The following PELI1 variants were observed in gnomAD, a reference collection of about 807,000 sequenced individuals.
PELI1 encodes pellino E3 ubiquitin protein ligase 1, also known as E3 ubiquitin-protein ligase pellino homolog 1.
A neutral mutation model predicts 41.3 loss-of-function variants in PELI1; 15 were observed. The observed-to-expected ratio is 0.36, with a 90% confidence interval of 0.24 to 0.56. PELI1 has a LOEUF of 0.56. PELI1 is among the 20% of genes least tolerant of loss of function. PELI1 has a pLI of 0.82. For synonymous variants in PELI1, 178 were observed against 180.1 expected, an observed-to-expected ratio of 0.99 and a Z score of 0.09; for missense variants, 403 against 525.5, an observed-to-expected ratio of 0.77 and a Z score of 2.28.
intron 1 of PELI1, among the ~76,000 whole-genome samples, chr2:64,113,716 A>G (rs886829057): frequency 2.6e-5 from 4 of 152,180 alleles, no homozygotes; most frequent in African/African-American, 9.6e-5. Context: ...ATATGTATTT[A>G]TTAGGAATAG....
At chr2:64,100,011 G>A (rs1680371517) in intron 4 of PELI1, among the ~76,000 whole-genome samples, 1 of 152,174 alleles carries the variant, frequency 6.6e-6, no homozygotes. Context: ...ATAAATGTAT[G>A]CAGAGTATTT....
intron 3 of PELI1, among the ~76,000 whole-genome samples, chr2:64,102,205 C>T (rs1244319213): frequency 2.0e-5 from 3 of 152,104 alleles, no homozygotes; most frequent in Admixed American, 6.5e-5. Context: ...CTTTTCTCTA[C>T]AGAGGTATCC....
intron 1 of PELI1, among the ~76,000 whole-genome samples, chr2:64,136,148 G>A (rs114502787): frequency 6.6e-6 from 1 of 151,784 alleles, no homozygotes; most frequent in African/African-American, 2.4e-5. Flanking sequence ...CTTCAGTATG[G>A]TCATCATCAT....
chr2:64,126,569 TCAA>T (rs1681393359), intron 1 of PELI1, among the ~76,000 whole-genome samples: 1 of 152,200 alleles, frequency 6.6e-6, no homozygotes, highest in Non-Finnish European at 1.5e-5. Flanking sequence ...ATGGGAGTAT[TCAA>T]ACTAATGCAA....
chr2:64,107,433 G>C (rs1642929693), intron 2 of PELI1, among the ~76,000 whole-genome samples: 1 of 152,174 alleles, frequency 6.6e-6, no homozygotes, highest in Non-Finnish European at 1.5e-5. Context: ...AAGTAGCTAG[G>C]TCCTGGGCTT....
chr2:64,112,734 T>TA (rs1316941892), intron 1 of PELI1, among the ~76,000 whole-genome samples: 2 of 152,178 alleles, frequency 1.3e-5, no homozygotes, highest in Non-Finnish European at 1.5e-5. Context: ...TGACCCAAGA[T>TA]AGTTTTCAAA....
intron 1 of PELI1, among the ~76,000 whole-genome samples, chr2:64,121,178 T>C (rs1364599792): frequency 4.6e-5 from 7 of 152,214 alleles, no homozygotes; most frequent in African/African-American, 1.7e-4. Context: ...GCAAAAATGA[T>C]CGGGGCATAT....
At chr2:64,107,186 C>T (rs1680649841) in intron 2 of PELI1, among the ~76,000 whole-genome samples, 1 of 152,132 alleles carries the variant, frequency 6.6e-6, no homozygotes, top group South Asian at 2.1e-4. Flanking sequence ...ACCTAGGCCT[C>T]CCACCTGTAA....
At chr2:64,128,048 TA>T (rs562725097) in intron 1 of PELI1, among the ~76,000 whole-genome samples, 2 of 151,424 alleles carry the variant, frequency 1.3e-5, no homozygotes, top group East Asian at 1.9e-4. Flanking sequence ...TTTAGTAGAT[TA>T]AAAAAAAATA....
rs1680136350 is a variant in PELI1, at chr2:64,093,980, A to G, written c.*722T>C. The G allele has an allele frequency of 6.6e-6, 1 of 152,670 alleles. No homozygotes were observed. The highest frequency in any genetic ancestry group is 2.4e-5 in the African/African-American group (1 of 41,476). The allele number at this position is 152,670 out of a possible 1,614,324, so 9.5% of individuals were successfully genotyped here. A position where few individuals can be genotyped will look rare whatever the true frequency, so the allele number is the denominator to read the frequency against. ...TGTTTCTTAGCATTAAGTTTTTGTT[A>G]TAGTACTACGCTCGAGAGAAACATT... On this transcript the variant is annotated 3_prime_UTR_variant, in exon 7 of 7. Coordinates refer to ENST00000358912, the MANE Select transcript of PELI1 (RefSeq NM_020651.4).
At chr2:64,101,233 TTG>T (rs1680419002) in intron 3 of PELI1, among the ~76,000 whole-genome samples, 1 of 152,066 alleles carries the variant, frequency 6.6e-6, no homozygotes, top group Non-Finnish European at 1.5e-5. Context: ...TCTAACCATT[TTG>T]TGACTCTACA....
At chr2:64,110,468 C>A (rs897464148) in intron 1 of PELI1, among the ~76,000 whole-genome samples, 4 of 151,810 alleles carry the variant, frequency 2.6e-5, no homozygotes, top group African/African-American at 4.8e-5. Context: ...CCAGCAGACC[C>A]ACTATAAATA....
chr2:64,097,346 C>T lies in PELI1; in HGVS notation c.304-736G>A, dbSNP rs193009158. Among the ~76,000 whole-genome samples, 4 of 152,230 alleles carry T rather than the reference C, an allele frequency of 2.6e-5. No individual in the cohort carries two copies. In the East Asian group the frequency reaches 7.7e-4, roughly 29 times the overall value. On this transcript the variant is annotated intron_variant, in intron 4 of 6. Transcript: ENST00000358912. ...TATTTCAAAAGGTTCTGGTGAGAGC[C>T]TAAGGGATCCTCTAGGGAGAATAGA...
intron 1 of PELI1, among the ~76,000 whole-genome samples, chr2:64,136,338 T>G (rs1385216402): frequency 6.6e-6 from 1 of 152,224 alleles, no homozygotes; most frequent in African/African-American, 2.4e-5. Context: ...AGCTCAGCCC[T>G]GATAGTATGT....
At position 64,094,936 on chromosome 2, in the gene PELI1, G is replaced by A; in HGVS notation, c.1023C>T (p.Pro341=). 1 of 1,613,010 alleles carries A rather than the reference G, an allele frequency of 6.2e-7. No individual in the cohort carries two copies. Among genetic ancestry groups the A allele is most frequent in the Non-Finnish European group, 8.5e-7 (1 of 1,179,644 alleles). Reference sequence around the variant, plus strand: ...CACATCCAAGCCACAGAGGAACATAGGGACCAACAGACCTACACATAGGAC... The same window carrying A: ...CACATCCAAGCCACAGAGGAACATAAGGACCAACAGACCTACACATAGGAC... The part of the protein sequence containing the change: ...RECPMCRSVG[P]YVPLWLGCEA... The change falls in exon 7 of 7, where the codon CCC becomes CCT. Residue 341 remains proline, a synonymous_variant. Transcript: ENST00000358912.
At chr2:64,097,121 C>G (rs1680264618) in intron 4 of PELI1, among the ~76,000 whole-genome samples, 1 of 152,122 alleles carries the variant, frequency 6.6e-6, no homozygotes, top group Non-Finnish European at 1.5e-5. Flanking sequence ...GGCTGCTGGT[C>G]CTTATGTCAA....
At chr2:64,128,152 G>A (rs1681449619) in intron 1 of PELI1, among the ~76,000 whole-genome samples, 1 of 152,120 alleles carries the variant, frequency 6.6e-6, no homozygotes, top group African/African-American at 2.4e-5. Flanking sequence ...CAGTGGTATA[G>A]TTTTAAAGCC....
chr2:64,100,053 TCAC>T (rs1428527231), intron 4 of PELI1, among the ~76,000 whole-genome samples: 2 of 152,214 alleles, frequency 1.3e-5, no homozygotes, highest in African/African-American at 4.8e-5. Context: ...TAGCTACTAT[TCAC>T]TAAGTGTTTT....
chr2:64,106,010 AC>A (rs1188789062), intron 2 of PELI1, among the ~76,000 whole-genome samples: 1 of 152,178 alleles, frequency 6.6e-6, no homozygotes, highest in Admixed American at 6.5e-5. Context: ...AACTACATTG[AC>A]CCTTTATAAA....
Sources: gnomAD v4.1 joint callset for allele counts (sites outside exome capture counted in the v4.1 genomes callset) on GRCh38, gnomAD v4.1.1 for gene constraint, MANE v1.5 for transcripts, NCBI Gene and HGNC (gene_info 2026-07-23, HGNC 2026-07-21) for gene names.